The following PATJ variants were observed in gnomAD, a reference collection of about 807,000 sequenced individuals.
PATJ encodes inaD-like protein.
In PATJ, 190 loss-of-function variants were observed where a neutral mutation model predicts 224.9. That is an observed-to-expected ratio of 0.84 (90% CI 0.75 to 0.95). PATJ has a LOEUF of 0.95. PATJ is among the 40% of genes least tolerant of loss of function. The pLI is 0.00. For synonymous variants in PATJ, 769 were observed against 820.3 expected (o/e 0.94, Z 1.07); for missense variants, 2,121 against 2,270.3 (o/e 0.93, Z 1.34).
At chr1:61,949,034 G>T (rs940815715) in intron 27 of PATJ, among the ~76,000 whole-genome samples, 1 of 150,166 alleles carries the variant, frequency 6.7e-6, no homozygotes, top group African/African-American at 2.5e-5. Context: ...TGGACACAGG[G>T]TGGGGAACAT....
At chr1:62,064,327 CTTT>C (rs201359731) in intron 31 of PATJ, among the ~76,000 whole-genome samples, 2 of 135,798 alleles carry the variant, frequency 1.5e-5, no homozygotes. Flanking sequence ...AGCCATAATG[CTTT>C]TTTTTTTTTT....
intron 20 of PATJ, among the ~76,000 whole-genome samples, chr1:61,866,278 T>G (rs1665412904): frequency 6.6e-6 from 1 of 152,224 alleles, no homozygotes; most frequent in Non-Finnish European, 1.5e-5. Context: ...AAAGGCAACC[T>G]GAAATACCAG....
chr1:62,015,091 G>C (rs1646692788), intron 28 of PATJ, among the ~76,000 whole-genome samples: 1 of 152,104 alleles, frequency 6.6e-6, no homozygotes, highest in Non-Finnish European at 1.5e-5. Context: ...CCTGAGGTCA[G>C]GGGGTCAAGA....
At chr1:61,824,810 C>T (rs1425362214) in intron 15 of PATJ, among the ~76,000 whole-genome samples, 1 of 152,124 alleles carries the variant, frequency 6.6e-6, no homozygotes, top group Non-Finnish European at 1.5e-5. Context: ...GAAATGTTGG[C>T]TGGATCACAG....
intron 26 of PATJ, among the ~76,000 whole-genome samples, chr1:61,915,800 G>T (rs1275137794): frequency 6.6e-6 from 1 of 151,712 alleles, no homozygotes. Flanking sequence ...GGGTTCAAGG[G>T]ATTCTCCTGC....
intron 10 of PATJ, among the ~76,000 whole-genome samples, chr1:61,796,092 T>C (rs1651036068): frequency 6.6e-6 from 1 of 152,230 alleles, no homozygotes; most frequent in Non-Finnish European, 1.5e-5. Flanking sequence ...TCTATACATA[T>C]GTATACACAC....
intron 8 of PATJ, among the ~76,000 whole-genome samples, chr1:61,790,511 T>G (rs1337609481): frequency 1.3e-4 from 11 of 83,222 alleles, no homozygotes; most frequent in Non-Finnish European, 2.4e-4. Flanking sequence ...TTCTTCTTTT[T>G]TTTGTTTTTT....
At chr1:62,016,115 G>A (rs142317500) in intron 28 of PATJ, among the ~76,000 whole-genome samples, 4 of 152,262 alleles carry the variant, frequency 2.6e-5, no homozygotes, top group African/African-American at 9.6e-5. Context: ...GGTGCAGAAC[G>A]AAAGCTGATA....
chr1:61,907,101 C>T (rs11799525), intron 24 of PATJ, among the ~76,000 whole-genome samples: 6,833 of 152,164 alleles, frequency 0.045, 520 homozygotes, highest in African/African-American at 0.15. Context: ...CTTCCTGCCA[C>T]GTGTTTGCTT....
intron 37 of PATJ, chr1:62,117,572 T>C (rs964975353): frequency 1.5e-5 from 3 of 203,794 alleles, no homozygotes; most frequent in African/African-American, 7.1e-5. Flanking sequence ...GTTCTATTCA[T>C]TCAATTAAAT....
chr1:62,119,003 C>CAAAA (rs35661742), intron 37 of PATJ, among the ~76,000 whole-genome samples: 1 of 138,184 alleles, frequency 7.2e-6, no homozygotes, highest in African/African-American at 2.5e-5. Context: ...CATTAAATAT[C>CAAAA]AAAAAAAAAA....
chr1:62,038,080 A>G (rs761951177), intron 30 of PATJ, 31 bp downstream of exon 30: 5 of 1,316,336 alleles, frequency 3.8e-6, no homozygotes, highest in Non-Finnish European at 5.4e-6. Context: ...CTCTTAGTAT[A>G]TTAGATGGAT....
At chr1:62,050,594 C>T (rs924533982) in intron 30 of PATJ, among the ~76,000 whole-genome samples, 20 of 152,154 alleles carry the variant, frequency 1.3e-4, no homozygotes, top group Admixed American at 2.6e-4. Context: ...AGAACTTTTC[C>T]ACACATCTCC....
intron 15 of PATJ, 70 bp from the exon 16 acceptor site, chr1:61,827,352 T>A: frequency 1.5e-6 from 2 of 1,342,392 alleles, no homozygotes; most frequent in Non-Finnish European, 1.0e-6. Flanking sequence ...GGTAGATGGA[T>A]ATAAATAAGA....
chr1:62,144,769 A>ATATATATATAT (rs1180544696), intron 41 of PATJ, among the ~76,000 whole-genome samples: 15 of 58,720 alleles, frequency 2.6e-4, no homozygotes, highest in African/African-American at 9.8e-4. Flanking sequence ...TTATTTGCAA[A>ATATATATATAT]AAAAAAAAAT....
At chr1:62,006,745 CA>C (rs35097389) in intron 28 of PATJ, among the ~76,000 whole-genome samples, 30,094 of 152,078 alleles carry the variant, frequency 0.2, 3,108 homozygotes, top group Non-Finnish European at 0.21. Flanking sequence ...GGGGAAAAGT[CA>C]AAACACAATG....
At chr1:61,961,823 G>T (rs1681327996) in intron 27 of PATJ, among the ~76,000 whole-genome samples, 2 of 151,956 alleles carry the variant, frequency 1.3e-5, no homozygotes, top group African/African-American at 4.8e-5. Context: ...ACAAAAATTA[G>T]CTGGGCGTGG....
chr1:61,775,129 G>A, intron 6 of PATJ, 77 bp from the exon 7 acceptor site: 1 of 1,393,202 alleles, frequency 7.2e-7, no homozygotes. Context: ...CTGTTACTTT[G>A]GTAATGATTG....
At chr1:61,996,421 A>G (rs887995927) in intron 28 of PATJ, among the ~76,000 whole-genome samples, 1 of 152,182 alleles carries the variant, frequency 6.6e-6, no homozygotes, top group African/African-American at 2.4e-5. Flanking sequence ...TGGAAAACTT[A>G]GATGTGTTTG....
Sources: allele counts gnomAD v4.1 joint callset (sites outside exome capture counted in the v4.1 genomes callset), GRCh38; gene constraint gnomAD v4.1.1; transcripts MANE v1.5; gene names NCBI Gene and HGNC (gene_info 2026-07-23, HGNC 2026-07-21).